Variants in SPATA13 observed in about 807,000 individuals in gnomAD.
SPATA13 encodes the protein spermatogenesis associated 13.
Under a neutral mutation model 104.0 loss-of-function variants are expected in SPATA13, and 50 were observed. The observed-to-expected ratio is 0.48, with a 90% CI of 0.38 to 0.61. SPATA13 has a LOEUF of 0.61. Ranked by LOEUF, SPATA13 falls within the 20% of genes least tolerant of loss-of-function variation. The pLI, the probability that SPATA13 is intolerant of heterozygous loss-of-function variation, is 0.00. For missense variants in SPATA13, 1,524 were observed against 1,690.6 expected, an observed-to-expected ratio of 0.90 and a Z score of 1.73; for synonymous variants, 606 against 667.5, an observed-to-expected ratio of 0.91 and a Z score of 1.42.
rs557372594 is a variant in SPATA13, at chr13:24,152,550, A to T, written c.-111-70269A>T. Reference sequence around the variant, plus strand: ...TCTTGCACAGCGGGTGTTCTATGCCAGTGAGGGAATAAAATCATGAAAGCA... The same window carrying T: ...TCTTGCACAGCGGGTGTTCTATGCCTGTGAGGGAATAAAATCATGAAAGCA... On this transcript the variant is annotated intron_variant, in intron 3 of 14. Coordinates refer to the SPATA13 transcript ENST00000424834. Among the ~76,000 whole-genome samples, 56 of 152,340 alleles carry T rather than the reference A, an allele frequency of 3.7e-4. 1 individual carries two copies. The South Asian group carries it at 0.012, about 32-fold the overall frequency.
chr13:24,278,992 CCCTT>C (rs1555275424), intron 4 of SPATA13, among the ~76,000 whole-genome samples: 34 of 88,794 alleles, frequency 3.8e-4, no homozygotes, highest in African/African-American at 1.4e-3. Context: ...CTCCCTCCCT[CCCTT>C]CCTTCCTTCC....
chr13:24,025,381 A>G (rs1050854166), intron 3 of SPATA13, among the ~76,000 whole-genome samples: 15 of 152,174 alleles, frequency 9.9e-5, no homozygotes, highest in Non-Finnish European at 1.6e-4. Flanking sequence ...ACATTCTTCT[A>G]TGGATGGACA....
At chr13:24,042,150 T>C (rs9551043) in intron 3 of SPATA13, among the ~76,000 whole-genome samples, 144,563 of 152,104 alleles carry the variant, frequency 0.95, 69,017 homozygotes, top group Non-Finnish European at 1. Flanking sequence ...ACGGGAGCGT[T>C]GGCTATGACC....
rs1290249832 is a variant in SPATA13 at position 24,239,243 on chromosome 13, G to A, written c.1654-10234G>A. ...GCGTAGGATTTCAGGAGATGATGGA[G>A]GAAATAGGGACGGGATGGCTGACTT... is the stretch of plus-strand genomic sequence containing the variant. On this transcript the variant is annotated intron_variant, in intron 2 of 12. Coordinates refer to ENST00000382108, the MANE Select transcript of SPATA13 (RefSeq NM_001166271.3). Among the ~76,000 whole-genome samples the A allele has an allele frequency of 3.3e-5, 5 of 152,170 alleles. No individual in the cohort carries two copies. In the East Asian group the frequency reaches 7.7e-4, roughly 23 times the overall value.
At chr13:24,103,528 G>GAGAGAGAGAGAGAGA (rs72243336) in intron 3 of SPATA13, among the ~76,000 whole-genome samples, 1 of 146,782 alleles carries the variant, frequency 6.8e-6, no homozygotes, top group Non-Finnish European at 1.5e-5. Context: ...CAGGGGAGGA[G>GAGAGAGAGAGAGAGA]AGAGAGAGAG....
In SPATA13 at chr13:24,271,041, ACTCT is replaced by A. The variant is rs71928912; in HGVS notation, c.2165-13080_2165-13077del. 596 of 481,000 alleles carry A rather than the reference ACTCT, an allele frequency of 1.2e-3. 1 individual carries two copies. The highest frequency in any genetic ancestry group is 0.01 in the African/African-American group (386 of 37,862). The allele number at this position is 481,000 out of a possible 1,614,324, so 29.8% of individuals were successfully genotyped here. On this transcript the variant is annotated intron_variant, in intron 4 of 12. Coordinates refer to ENST00000382108, the MANE Select transcript of SPATA13 (RefSeq NM_001166271.3). Reference sequence around the variant, plus strand: ...CTCTCACTCTCTCTCTCTCTCTCTCACTCTCTCTCTCTCTCTCACTCTCTCTCTT... The same window carrying A: ...CTCTCACTCTCTCTCTCTCTCTCTCACTCTCTCTCTCTCACTCTCTCTCTT...
At chr13:24,191,535 A>G (rs1341151632) in intron 1 of SPATA13, among the ~76,000 whole-genome samples, 2 of 96,984 alleles carry the variant, frequency 2.1e-5, no homozygotes, top group African/African-American at 8.1e-5. Flanking sequence ...TTTGAGATGG[A>G]GTCTTGCTCT....
At position 24,288,429 on chromosome 13, in the gene SPATA13, C is replaced by T. The variant is rs574229262; in HGVS notation, c.2668-570C>T. On this transcript the variant is annotated intron_variant, in intron 7 of 12. Coordinates refer to ENST00000382108, the MANE Select transcript of SPATA13 (RefSeq NM_001166271.3). ...CTGTTACATGTATGTACAGCCTTTTCTTCTTATCCCACTAGCTCCTACCTA... is the reference window on the plus strand; with the variant it reads ...CTGTTACATGTATGTACAGCCTTTTTTTCTTATCCCACTAGCTCCTACCTA... Among the ~76,000 whole-genome samples, 23 of 152,314 alleles carry T rather than the reference C, an allele frequency of 1.5e-4. No individual in the cohort carries two copies. The South Asian group carries it at 3.9e-3, about 26-fold the overall frequency.
At chr13:24,020,358 T>C (rs1304971159) in intron 3 of SPATA13, among the ~76,000 whole-genome samples, 2 of 152,106 alleles carry the variant, frequency 1.3e-5, no homozygotes, top group African/African-American at 2.4e-5. Context: ...TGTGTACATG[T>C]GACTTTATGA....
intron 4 of SPATA13, among the ~76,000 whole-genome samples, chr13:24,263,997 A>G (rs934806786): frequency 6.6e-6 from 1 of 152,134 alleles, no homozygotes; most frequent in Non-Finnish European, 1.5e-5. Context: ...CCAAAACCAT[A>G]TTGTCTGCAA....
upstream of SPATA13, among the ~76,000 whole-genome samples, chr13:24,157,500 C>T (rs955130242): frequency 6.6e-6 from 1 of 152,132 alleles, no homozygotes; most frequent in Non-Finnish European, 1.5e-5. Context: ...CGGGGTTTCA[C>T]CGTGTTAGCC....
At chr13:24,096,415 G>A (rs1254527185) in intron 3 of SPATA13, among the ~76,000 whole-genome samples, 2 of 151,920 alleles carry the variant, frequency 1.3e-5, no homozygotes, top group African/African-American at 4.8e-5. Flanking sequence ...GGCCAACATG[G>A]CAAAACCCTG....
intron 3 of SPATA13, chr13:24,017,732 C>G (rs1011544896): frequency 2.0e-6 from 2 of 982,672 alleles, no homozygotes; most frequent in Non-Finnish European, 2.4e-6. Flanking sequence ...GTTCTTCCCT[C>G]TCCTTCCTCC....
rs116819316 is a variant in SPATA13, at chr13:24,119,848, G to A, written c.-112+102147G>A. Among the ~76,000 whole-genome samples the A allele has an allele frequency of 2.2e-3, 330 of 152,306 alleles. 2 individuals are homozygous for A. The highest frequency in any genetic ancestry group is 7.1e-3 in the African/African-American group (295 of 41,564). On this transcript the variant is annotated intron_variant, in intron 3 of 14. Coordinates refer to the SPATA13 transcript ENST00000424834. ...GCATGGCAGGCAGAGCTAATTCTCC[G>A]TCAGTCTATGCATGCTAGGAGAATG...
chr13:24,299,992 T>G (rs1428881606), intron 11 of SPATA13, among the ~76,000 whole-genome samples: 2 of 152,328 alleles, frequency 1.3e-5, no homozygotes, highest in Non-Finnish European at 2.9e-5. Context: ...AGGGTGGAAC[T>G]GCTAACGTGC....
At chr13:24,123,626 A>G (rs1348468481) in intron 3 of SPATA13, 67 of 1,605,412 alleles carry the variant, frequency 4.2e-5, no homozygotes, top group Admixed American at 1.7e-5. Context: ...TCTGGGCAGC[A>G]GTGGTAGGAG....
chr13:24,206,059 A>G (rs1470447847), intron 1 of SPATA13, among the ~76,000 whole-genome samples: 4 of 152,252 alleles, frequency 2.6e-5, no homozygotes, highest in Non-Finnish European at 5.9e-5. Context: ...AATCACAACA[A>G]AAGCAAAAAT....
chr13:24,257,153 A>C (rs544611858), intron 4 of SPATA13, among the ~76,000 whole-genome samples: 2 of 152,154 alleles, frequency 1.3e-5, no homozygotes, highest in Non-Finnish European at 2.9e-5. Flanking sequence ...TCTTACTTTG[A>C]ATTTCCCTTT....
chr13:24,110,384 A>T lies in SPATA13; in HGVS notation c.-112+92683A>T, dbSNP rs80175379. ...AAATGAGGACAAACCTTGGGAGGGG[A>T]CTGCATTTTAGGACTAGGATTGATG... is the stretch of plus-strand genomic sequence containing the variant. On this transcript the variant is annotated intron_variant, in intron 3 of 14. Transcript: ENST00000424834. Among the ~76,000 whole-genome samples the T allele has an allele frequency of 6.6e-4, 100 of 152,114 alleles. 1 individual carries two copies. The East Asian group carries it at 0.017, about 26-fold the overall frequency.
Sources: allele counts gnomAD v4.1 joint callset (sites outside exome capture counted in the v4.1 genomes callset), GRCh38; gene constraint gnomAD v4.1.1; transcripts MANE v1.5; gene names NCBI Gene and HGNC (gene_info 2026-07-23, HGNC 2026-07-21).